Variants in ATP2B2 observed in about 807,000 individuals in gnomAD.
ATP2B2 encodes plasma membrane calcium-transporting ATPase 2.
ATP2B2 carries 15 observed loss-of-function variants against 120.0 expected under a neutral mutation model. The ratio of observed to expected loss-of-function variants is 0.12; its 90% CI spans 0.08 to 0.19. The LOEUF is 0.19. Ranked by LOEUF, ATP2B2 falls within the 10% of genes least tolerant of loss-of-function variation. The pLI, the probability that ATP2B2 is intolerant of heterozygous loss-of-function variation, is 1.00. For synonymous variants in ATP2B2, 694 were observed against 700.3 expected (o/e 0.99, Z 0.14); for missense variants, 1,045 against 1,719.8 (o/e 0.61, Z 6.94).
intron 1 of ATP2B2, among the ~76,000 whole-genome samples, chr3:10,673,186 C>T (rs1229683757): frequency 6.6e-6 from 1 of 152,108 alleles, no homozygotes; most frequent in Non-Finnish European, 1.5e-5. Context: ...TTTTGTTTCC[C>T]ACAAATGCAT....
intron 1 of ATP2B2, among the ~76,000 whole-genome samples, chr3:10,454,888 T>G (rs573620): frequency 0.68 from 103,326 of 151,994 alleles, 38,839 homozygotes; most frequent in Non-Finnish European, 0.84. Context: ...AAGCCTTTCC[T>G]GACCACCTAG....
At chr3:10,512,985 T>A (rs2066802819) in intron 3 of ATP2B2, among the ~76,000 whole-genome samples, 1 of 152,214 alleles carries the variant, frequency 6.6e-6, no homozygotes, top group African/African-American at 2.4e-5. Flanking sequence ...TCGACTTATT[T>A]ATTTCACAAA....
At position 10,646,966 on chromosome 3, in the gene ATP2B2, G is replaced by A. The variant is rs2070337618; in HGVS notation, c.-459-27005C>T. ...GCCCTGCAAGTGCACAGCATCAGAG[G>A]TTGGCACAGCAGGATGTGATTAATT... On this transcript the variant is annotated intron_variant, in intron 1 of 21. Transcript: ENST00000646379. Among the ~76,000 whole-genome samples the A allele has an allele frequency of 3.3e-5, 5 of 152,154 alleles. No individual in the cohort carries two copies. In the South Asian group the frequency reaches 8.3e-4, roughly 25 times the overall value.
At chr3:10,361,920 G>T (rs79337507) in intron 12 of ATP2B2, among the ~76,000 whole-genome samples, 1 of 152,156 alleles carries the variant, frequency 6.6e-6, no homozygotes, top group African/African-American at 2.4e-5. Context: ...TAATGGTAAG[G>T]ACGAGATGCC....
At chr3:10,353,289 G>A (rs1332843470) in intron 14 of ATP2B2, among the ~76,000 whole-genome samples, 1 of 152,210 alleles carries the variant, frequency 6.6e-6, no homozygotes, top group Non-Finnish European at 1.5e-5. Flanking sequence ...AGAGGGCACT[G>A]TTGCTTTAGA....
intron 3 of ATP2B2, among the ~76,000 whole-genome samples, chr3:10,513,892 G>A (rs146436072): frequency 1.6e-4 from 24 of 152,080 alleles, no homozygotes; most frequent in Admixed American, 2.6e-4. Context: ...ATAGAACCTG[G>A]TTTTTTCCCA....
At chr3:10,489,639 T>A (rs868648413) in intron 1 of ATP2B2, among the ~76,000 whole-genome samples, 12 of 152,162 alleles carry the variant, frequency 7.9e-5, no homozygotes, top group African/African-American at 2.7e-4. Flanking sequence ...TGACTCACCA[T>A]GCCTCCCCTC....
chr3:10,603,244 G>A (rs2068971734), intron 2 of ATP2B2, among the ~76,000 whole-genome samples: 1 of 152,206 alleles, frequency 6.6e-6, no homozygotes, highest in Non-Finnish European at 1.5e-5. Flanking sequence ...AGGCCTAAAT[G>A]AGCCGATGCC....
In ATP2B2 at chr3:10,346,821, A is replaced by T. The variant is rs2060445649; in HGVS notation, c.2405-684T>A. ...GCGAGCAGGGATGTCCATGGGCACG[A>T]CAGGAATTTGGGTATCAGCATCCAT... On this transcript the variant is annotated intron_variant, in intron 16 of 22. Coordinates refer to ENST00000360273, the MANE Select transcript of ATP2B2 (RefSeq NM_001001331.4). The surrounding 1 kb of genome is among the most constrained non-coding windows in gnomAD (Gnocchi z 4.1). 6.6e-6 allele frequency among the ~76,000 whole-genome samples: 1 copy of T among 152,190 alleles called. No individual in the cohort carries two copies. The highest frequency in any genetic ancestry group is 2.1e-4 in the South Asian group (1 of 4,828).
chr3:10,683,760 G>GTGTGTGTGTATATATATA (rs1446781892), intron 1 of ATP2B2, among the ~76,000 whole-genome samples: 1 of 53,912 alleles, frequency 1.9e-5, no homozygotes, highest in African/African-American at 5.6e-5. Context: ...GTGTGTGTGT[G>GTGTGTGTGTATATATATA]TATATATATA....
intron 2 of ATP2B2, among the ~76,000 whole-genome samples, chr3:10,597,671 C>T (rs1475954527): frequency 6.6e-6 from 1 of 152,198 alleles, no homozygotes; most frequent in Non-Finnish European, 1.5e-5. Flanking sequence ...AATCTCGGTT[C>T]TACCTCTTGC....
chr3:10,449,465 T>C lies in ATP2B2; in HGVS notation c.79A>G (p.Thr27Ala), dbSNP rs762290443. ...ESSHGGEFGC[T>A]MEELRSLMEL... is the part of the protein sequence containing the mutation. ...ATGAGGGAGCGGAGCTCCTCCATTGTGCACCCGAACTCGCCCCCATGGCTC... is the reference window on the plus strand; with the variant it reads ...ATGAGGGAGCGGAGCTCCTCCATTGCGCACCCGAACTCGCCCCCATGGCTC... Residue 27 changes from threonine (T) to alanine (A), a missense_variant, in exon 2 of 23, where the codon ACA becomes GCA. Coordinates refer to ENST00000360273, the MANE Select transcript of ATP2B2 (RefSeq NM_001001331.4). 9 of 1,614,158 alleles carry C rather than the reference T, an allele frequency of 5.6e-6. No individual in the cohort carries two copies. The Admixed American group carries it at 1.3e-4, about 24-fold the overall frequency.
At position 10,380,485 on chromosome 3, in the gene ATP2B2, C is replaced by T. The variant is rs573381305; in HGVS notation, c.1001-1201G>A. ...AAGCTCTGAGATTCCATCTAATCCTCGCCACAGCCTCACCTATGAAGGGTG... is the reference window on the plus strand; with the variant it reads ...AAGCTCTGAGATTCCATCTAATCCTTGCCACAGCCTCACCTATGAAGGGTG... On this transcript the variant is annotated intron_variant, in intron 8 of 22. Transcript: ENST00000360273. 2.0e-4 allele frequency among the ~76,000 whole-genome samples: 31 copies of T among 152,306 alleles called. No homozygotes were observed. The East Asian group carries it at 4.4e-3, about 22-fold the overall frequency.
intron 21 of ATP2B2, 109 bp from the exon 22 acceptor site, chr3:10,338,467 G>T: frequency 1.9e-6 from 2 of 1,071,110 alleles, no homozygotes; most frequent in Non-Finnish European, 2.8e-6. Context: ...ACCCAGGCAT[G>T]TGATCAATCT....
At chr3:10,536,830 T>C (rs2067328639) in intron 2 of ATP2B2, among the ~76,000 whole-genome samples, 2 of 152,240 alleles carry the variant, frequency 1.3e-5, no homozygotes, top group South Asian at 2.1e-4. Context: ...ACCCAGCCTC[T>C]TACTTTTTGT....
chr3:10,401,444 C>G (rs1468183560), intron 4 of ATP2B2, among the ~76,000 whole-genome samples: 1 of 152,216 alleles, frequency 6.6e-6, no homozygotes, highest in Admixed American at 6.5e-5. Context: ...AGGAACCAGT[C>G]TCTCTTGGCT....
intron 1 of ATP2B2, among the ~76,000 whole-genome samples, chr3:10,495,518 G>A (rs187344563): frequency 4.6e-5 from 7 of 152,306 alleles, no homozygotes; most frequent in African/African-American, 1.7e-4. Flanking sequence ...CGCTAAACGA[G>A]AGCTGTCTTG....
chr3:10,621,655 A>G (rs894385901), intron 1 of ATP2B2, among the ~76,000 whole-genome samples: 1 of 152,186 alleles, frequency 6.6e-6, no homozygotes, highest in Admixed American at 6.5e-5. Flanking sequence ...CCCTTTGACA[A>G]TAGCAATCTT....
chr3:10,654,939 A>G (rs1317599680), intron 1 of ATP2B2, among the ~76,000 whole-genome samples: 3 of 152,122 alleles, frequency 2.0e-5, no homozygotes, highest in Non-Finnish European at 4.4e-5. Flanking sequence ...TGGCCTCCTC[A>G]TCTCCACATC....
Sources: gnomAD v4.1 joint callset for allele counts (sites outside exome capture counted in the v4.1 genomes callset) on GRCh38, gnomAD v4.1.1 for gene constraint, Gnocchi (gnomAD v3.1) non-coding constraint, MANE v1.5 for transcripts, NCBI Gene and HGNC (gene_info 2026-07-23, HGNC 2026-07-21) for gene names.